The following QNG1 variants were observed in gnomAD, a reference collection of about 807,000 sequenced individuals.
The protein encoded by QNG1 is queuosine 5'-phosphate N-glycosylase/hydrolase.
At chr9:83,955,138 G>T in the QNG1 span, among the ~76,000 whole-genome samples, 1 of 152,112 alleles carries the variant, frequency 6.6e-6, no homozygotes, top group South Asian at 2.1e-4. Flanking sequence ...GGCAGAGGTT[G>T]CGGTGAGCCA....
At chr9:83,941,064 A>G in the QNG1 span, among the ~76,000 whole-genome samples, 2 of 152,342 alleles carry the variant, frequency 1.3e-5, no homozygotes, top group Middle Eastern at 3.4e-3. Context: ...CCACGGAGGC[A>G]GACGCTCCCA....
chr9:83,954,655 G>T, the QNG1 span, among the ~76,000 whole-genome samples: 1 of 151,934 alleles, frequency 6.6e-6, no homozygotes, highest in South Asian at 2.1e-4. Context: ...ACCGAGGTGG[G>T]TGGATCACGA....
the QNG1 span, chr9:83,939,518 T>A: frequency 1.9e-6 from 3 of 1,609,570 alleles, no homozygotes; most frequent in African/African-American, 2.7e-5. Flanking sequence ...AGGTCAATAA[T>A]ATATGCAACG....
At chr9:83,939,373 A>C in the QNG1 span, 3 of 650,710 alleles carry the variant, frequency 4.6e-6, no homozygotes, top group East Asian at 2.7e-5. Context: ...TGCCCGGCCT[A>C]GGAAGTATTT....
the QNG1 span, chr9:83,953,926 T>A: frequency 6.5e-6 from 6 of 919,130 alleles, no homozygotes. Context: ...AGAGTCTAAT[T>A]CTGTCTCGTC....
the QNG1 span, chr9:83,944,988 C>G: frequency 1.3e-6 from 2 of 1,595,376 alleles, no homozygotes; most frequent in Admixed American, 1.8e-5. Context: ...AACTCTTTTC[C>G]CCTGATGAAT....
chr9:83,953,832 T>G, the QNG1 span: 1 of 1,546,050 alleles, frequency 6.5e-7, no homozygotes, highest in Non-Finnish European at 8.7e-7. Flanking sequence ...GATCATCATT[T>G]GTTCAAGTAC....
chr9:83,956,140 T>C, the QNG1 span: 1 of 1,603,848 alleles, frequency 6.2e-7, no homozygotes, highest in South Asian at 1.1e-5. Flanking sequence ...GGCCGTTAGG[T>C]CCGATGGCAA....
the QNG1 span, among the ~76,000 whole-genome samples, chr9:83,940,230 C>T: frequency 4.4e-3 from 675 of 152,186 alleles, 3 homozygotes; most frequent in Middle Eastern, 6.8e-3. Flanking sequence ...CATGACAAAA[C>T]CCTGTCTCTA....
At chr9:83,940,124 G>T in the QNG1 span, among the ~76,000 whole-genome samples, 7 of 152,242 alleles carry the variant, frequency 4.6e-5, no homozygotes, top group East Asian at 1.4e-3. Context: ...ATTATTGTAG[G>T]CTGGGTGCAG....
the QNG1 span, among the ~76,000 whole-genome samples, chr9:83,942,776 C>A: frequency 6.6e-6 from 1 of 152,124 alleles, no homozygotes; most frequent in Non-Finnish European, 1.5e-5. Flanking sequence ...AAACTAGCTA[C>A]GGATAGGAGA....
chr9:83,950,089 G>C, the QNG1 span, among the ~76,000 whole-genome samples: 1 of 132,122 alleles, frequency 7.6e-6, no homozygotes, highest in East Asian at 2.2e-4. Context: ...TTGCTCTGTT[G>C]CCCAGGCTGG....
the QNG1 span, among the ~76,000 whole-genome samples, chr9:83,954,694 A>G: frequency 6.6e-6 from 1 of 151,896 alleles, no homozygotes. Context: ...AGCCTGGCCA[A>G]CATGGTGAAA....
chr9:83,949,295 A>G, the QNG1 span, among the ~76,000 whole-genome samples: 2 of 152,190 alleles, frequency 1.3e-5, no homozygotes, highest in African/African-American at 4.8e-5. Flanking sequence ...TCCTCTATAT[A>G]AACTGGATTT....
At chr9:83,945,854 G>A in the QNG1 span, among the ~76,000 whole-genome samples, 38 of 152,038 alleles carry the variant, frequency 2.5e-4, no homozygotes, top group South Asian at 4.2e-4. Context: ...TGCCCGCTTC[G>A]GCCTCCCAAA....
chr9:83,955,546 T>C, the QNG1 span: 1 of 1,614,198 alleles, frequency 6.2e-7, no homozygotes, highest in Non-Finnish European at 8.5e-7. Flanking sequence ...TCTCTTCTAC[T>C]AAAGGCATGG....
the QNG1 span, among the ~76,000 whole-genome samples, chr9:83,949,607 T>C: frequency 2.6e-5 from 4 of 152,064 alleles, no homozygotes; most frequent in Non-Finnish European, 4.4e-5. Context: ...GTTCACGCCA[T>C]TGCACTCCAG....
At chr9:83,950,678 T>C in the QNG1 span, among the ~76,000 whole-genome samples, 9 of 151,180 alleles carry the variant, frequency 6.0e-5, no homozygotes, top group African/African-American at 2.2e-4. Flanking sequence ...GGCTCACTGC[T>C]GCCTTGACCT....
chr9:83,941,108 A>T, the QNG1 span, among the ~76,000 whole-genome samples: 2 of 152,216 alleles, frequency 1.3e-5, no homozygotes, highest in Non-Finnish European at 2.9e-5. Flanking sequence ...ACACTGCTCC[A>T]CTTGGCGGCT....
Sources: allele counts gnomAD v4.1 joint callset (sites outside exome capture counted in the v4.1 genomes callset), GRCh38; gene constraint gnomAD v4.1.1; transcripts MANE v1.5; gene names NCBI Gene and HGNC (gene_info 2026-07-23, HGNC 2026-07-21).